The following BICC1 variants were observed in gnomAD, a reference collection of about 807,000 sequenced individuals.
The protein encoded by BICC1 is BicC family RNA binding protein 1, also known as protein bicaudal C homolog 1.
In BICC1, 43 loss-of-function variants were observed where a neutral mutation model predicts 111.0. The ratio of observed to expected loss-of-function variants is 0.39; its 90% CI spans 0.30 to 0.50. The LOEUF (loss-of-function observed/expected upper bound fraction) is 0.50, where lower values mean the gene tolerates loss of function less well. Ranked by LOEUF, BICC1 falls within the 20% of genes least tolerant of loss-of-function variation. The pLI is 0.88. For synonymous variants in BICC1, 467 were observed against 434.4 expected, an observed-to-expected ratio of 1.07 and a Z score of -0.93; for missense variants, 1,091 against 1,203.2, an observed-to-expected ratio of 0.91 and a Z score of 1.38.
intron 2 of BICC1, among the ~76,000 whole-genome samples, chr10:58,641,948 G>A (rs1425184422): frequency 6.6e-6 from 1 of 152,130 alleles, no homozygotes; most frequent in Non-Finnish European, 1.5e-5. Flanking sequence ...CGTCTAAATG[G>A]CCACATGTTT....
intron 3 of BICC1, among the ~76,000 whole-genome samples, chr10:58,738,105 T>G (rs534863925): frequency 6.6e-6 from 1 of 152,372 alleles, no homozygotes; most frequent in African/African-American, 2.4e-5. Context: ...AGATCCCATT[T>G]GTCAATTTTG....
chr10:58,536,208 C>G (rs1206608866), intron 1 of BICC1, among the ~76,000 whole-genome samples: 1 of 151,514 alleles, frequency 6.6e-6, no homozygotes, highest in Non-Finnish European at 1.5e-5. Flanking sequence ...GACTCTAGAA[C>G]AAACTGACCT....
intron 2 of BICC1, among the ~76,000 whole-genome samples, chr10:58,700,353 T>A (rs1840194756): frequency 6.6e-6 from 1 of 152,090 alleles, no homozygotes; most frequent in Non-Finnish European, 1.5e-5. Context: ...CTGCTGGGCA[T>A]GTTTTTGGGG....
At chr10:58,534,850 G>A (rs1013842647) in intron 1 of BICC1, among the ~76,000 whole-genome samples, 2 of 150,364 alleles carry the variant, frequency 1.3e-5, no homozygotes, top group East Asian at 3.9e-4. Context: ...AAAAAATTAG[G>A]ATATCAATGA....
chr10:58,615,986 GAAGT>G (rs1444302824), intron 1 of BICC1, among the ~76,000 whole-genome samples: 5 of 152,224 alleles, frequency 3.3e-5, no homozygotes, highest in Non-Finnish European at 5.9e-5. Context: ...GGATGCAGCA[GAAGT>G]AAGGGCCCTC....
At chr10:58,813,771 C>T (rs1339780992) in intron 17 of BICC1, 59 bp from the exon 18 acceptor site, 2 of 1,546,972 alleles carry the variant, frequency 1.3e-6, no homozygotes, top group African/African-American at 2.7e-5. Flanking sequence ...CTTTTCTCCT[C>T]CCACCCTGAA....
chr10:58,622,494 G>A (rs957331681), intron 2 of BICC1, among the ~76,000 whole-genome samples: 3 of 152,224 alleles, frequency 2.0e-5, no homozygotes, highest in African/African-American at 7.2e-5. Flanking sequence ...CCAGGAACAT[G>A]TGTGCGTCCC....
intron 2 of BICC1, among the ~76,000 whole-genome samples, chr10:58,643,683 G>A (rs1008916995): frequency 6.6e-6 from 1 of 152,212 alleles, no homozygotes; most frequent in Non-Finnish European, 1.5e-5. Flanking sequence ...AATAATTTGA[G>A]AGGAGGAACA....
At chr10:58,597,760 C>G (rs764684016) in intron 1 of BICC1, among the ~76,000 whole-genome samples, 1 of 152,058 alleles carries the variant, frequency 6.6e-6, no homozygotes, top group Non-Finnish European at 1.5e-5. Context: ...TTAGCGATAC[C>G]TCTCCTACTT....
intron 2 of BICC1, among the ~76,000 whole-genome samples, chr10:58,625,327 G>A (rs1156389952): frequency 1.3e-5 from 2 of 152,178 alleles, no homozygotes; most frequent in African/African-American, 4.8e-5. Context: ...ATGGGTTACA[G>A]TATTTTAGGT....
In BICC1 at chr10:58,516,978, A is replaced by G. The variant is rs1326186913; in HGVS notation, c.190+3645A>G. Reference sequence around the variant, plus strand: ...GCCAGAGTACTGAGGCAATCACAGGATTCCTATATTAATACTTTTCTTTTT... The same window carrying G: ...GCCAGAGTACTGAGGCAATCACAGGGTTCCTATATTAATACTTTTCTTTTT... On this transcript the variant is annotated intron_variant, in intron 1 of 20. Transcript: ENST00000373886. Among the ~76,000 whole-genome samples the G allele has an allele frequency of 3.9e-5, 6 of 152,314 alleles. No homozygotes were observed. In the East Asian group the frequency reaches 1.2e-3, roughly 29 times the overall value.
At chr10:58,737,613 C>T (rs1292103280) in intron 3 of BICC1, among the ~76,000 whole-genome samples, 1 of 152,152 alleles carries the variant, frequency 6.6e-6, no homozygotes, top group Non-Finnish European at 1.5e-5. Flanking sequence ...GGTATATACC[C>T]AGCAATGGGA....
chr10:58,702,789 C>T (rs1840277007), intron 3 of BICC1, among the ~76,000 whole-genome samples: 1 of 152,150 alleles, frequency 6.6e-6, no homozygotes, highest in African/African-American at 2.4e-5. Flanking sequence ...TGACCTTAGT[C>T]TCAACAAACT....
At chr10:58,539,519 C>T (rs1589076457) in intron 1 of BICC1, among the ~76,000 whole-genome samples, 1 of 141,612 alleles carries the variant, frequency 7.1e-6, no homozygotes, top group Non-Finnish European at 1.6e-5. Context: ...TCACTCATAC[C>T]CCTAAAGCTA....
intron 1 of BICC1, among the ~76,000 whole-genome samples, chr10:58,588,739 T>G (rs537397207): frequency 6.6e-6 from 1 of 152,132 alleles, no homozygotes; most frequent in African/African-American, 2.4e-5. Flanking sequence ...CTATGTTGCT[T>G]TGAGTATACA....
intron 3 of BICC1, among the ~76,000 whole-genome samples, chr10:58,736,596 T>G (rs1841476441): frequency 6.6e-6 from 1 of 152,214 alleles, no homozygotes; most frequent in Admixed American, 6.5e-5. Context: ...TGTAATGCCG[T>G]CTTTCCATTG....
At chr10:58,695,454 T>C (rs1840040798) in intron 2 of BICC1, among the ~76,000 whole-genome samples, 1 of 152,234 alleles carries the variant, frequency 6.6e-6, no homozygotes. Flanking sequence ...AGAAACAGGC[T>C]GCAGATGGCT....
Position 58,691,491 on chromosome 10 carries a change from C to T in BICC1, c.238-10583C>T, listed in dbSNP as rs371855149. ...GGCCGTCATAAATAACCTACCCACA[C>T]ACCACGAAAATTGTCTTTGGTTTGG... On this transcript the variant is annotated intron_variant, in intron 2 of 20. Transcript: ENST00000373886. Among the ~76,000 whole-genome samples the T allele has an allele frequency of 5.3e-5, 8 of 152,318 alleles. No homozygotes were observed. The South Asian group carries it at 1.7e-3, about 32-fold the overall frequency.
At chr10:58,730,691 C>A (rs1293676030) in intron 3 of BICC1, among the ~76,000 whole-genome samples, 2 of 151,986 alleles carry the variant, frequency 1.3e-5, no homozygotes, top group Non-Finnish European at 2.9e-5. Context: ...TTTCTGTGTC[C>A]CTGTGATCTT....
Sources: gnomAD v4.1 joint callset for allele counts (sites outside exome capture counted in the v4.1 genomes callset) on GRCh38, gnomAD v4.1.1 for gene constraint, MANE v1.5 for transcripts, NCBI Gene and HGNC (gene_info 2026-07-23, HGNC 2026-07-21) for gene names.